Variants in KCNMB2 observed in about 807,000 individuals in gnomAD.
KCNMB2 encodes the protein calcium-activated potassium channel subunit beta-2.
In KCNMB2, 9 loss-of-function variants were observed where a neutral mutation model predicts 24.5. The observed-to-expected ratio is 0.37, with a 90% confidence interval of 0.22 to 0.64. KCNMB2 has a LOEUF of 0.64. Ranked by LOEUF, KCNMB2 falls within the 30% of genes least tolerant of loss-of-function variation. The probability of loss-of-function intolerance (pLI) is 0.63; values close to 1 mark genes in which losing one functional copy is unlikely to be tolerated. For missense variants in KCNMB2, 226 were observed against 284.3 expected (o/e 0.79, Z 1.47); for synonymous variants, 109 against 104.4 (o/e 1.04, Z -0.27).
At chr3:178,542,591 G>C (rs1715656065) in intron 1 of KCNMB2, among the ~76,000 whole-genome samples, 1 of 152,150 alleles carries the variant, frequency 6.6e-6, no homozygotes, top group Non-Finnish European at 1.5e-5. Flanking sequence ...TAGAATGTTA[G>C]ATTAACTGTC....
intron 1 of KCNMB2, among the ~76,000 whole-genome samples, chr3:178,584,269 G>T (rs1161278256): frequency 6.6e-6 from 1 of 152,224 alleles, no homozygotes; most frequent in Non-Finnish European, 1.5e-5. Context: ...ATGAGAAACT[G>T]GTCCAAGGTT....
At chr3:178,646,353 C>G (rs1014209313) in intron 1 of KCNMB2, among the ~76,000 whole-genome samples, 1 of 152,186 alleles carries the variant, frequency 6.6e-6, no homozygotes, top group Admixed American at 6.5e-5. Flanking sequence ...GAATCATCAG[C>G]ACATTAATTT....
chr3:178,805,782 A>G (rs1713942823), intron 1 of KCNMB2, among the ~76,000 whole-genome samples: 1 of 151,976 alleles, frequency 6.6e-6, no homozygotes, highest in South Asian at 2.1e-4. Context: ...GGCACACACT[A>G]CCACACGTGG....
intron 1 of KCNMB2, among the ~76,000 whole-genome samples, chr3:178,793,287 G>A (rs182883420): frequency 1.9e-3 from 296 of 152,306 alleles, no homozygotes; most frequent in Non-Finnish European, 3.5e-3. Flanking sequence ...TGATGATGAA[G>A]CAATGATATC....
intron 1 of KCNMB2, among the ~76,000 whole-genome samples, chr3:178,551,338 T>C (rs887517378): frequency 1.3e-5 from 2 of 152,164 alleles, no homozygotes; most frequent in African/African-American, 4.8e-5. Flanking sequence ...CCATCCCCAT[T>C]TAGGACAGAA....
chr3:178,577,477 A>G (rs1717037711), intron 1 of KCNMB2, among the ~76,000 whole-genome samples: 3 of 152,214 alleles, frequency 2.0e-5, no homozygotes, highest in Non-Finnish European at 1.5e-5. Context: ...AAAGGATCAC[A>G]ACTCCTCACC....
At chr3:178,627,729 A>G (rs1021822992) in intron 1 of KCNMB2, among the ~76,000 whole-genome samples, 1 of 152,138 alleles carries the variant, frequency 6.6e-6, no homozygotes, top group African/African-American at 2.4e-5. Flanking sequence ...TTTATGCGCC[A>G]TTTCAGCCTT....
At chr3:178,623,045 C>A (rs1718979166) in intron 1 of KCNMB2, among the ~76,000 whole-genome samples, 2 of 152,124 alleles carry the variant, frequency 1.3e-5, no homozygotes, top group Admixed American at 6.5e-5. Flanking sequence ...AAGTGAATAG[C>A]AAATAGATAT....
intron 1 of KCNMB2, among the ~76,000 whole-genome samples, chr3:178,577,088 G>A (rs1010600978): frequency 4.6e-5 from 7 of 152,102 alleles, no homozygotes; most frequent in Non-Finnish European, 7.4e-5. Flanking sequence ...CACAAATGAG[G>A]TGTCAACAGG....
intron 1 of KCNMB2, among the ~76,000 whole-genome samples, chr3:178,668,675 A>T (rs1720800603): frequency 6.6e-6 from 1 of 152,146 alleles, no homozygotes; most frequent in Admixed American, 6.5e-5. Flanking sequence ...ACTGAATCAC[A>T]ACTGCTACTT....
chr3:178,611,672 T>G (rs2108516784), intron 1 of KCNMB2, among the ~76,000 whole-genome samples: 1 of 152,286 alleles, frequency 6.6e-6, no homozygotes, highest in East Asian at 1.9e-4. Context: ...ACCACTGCAC[T>G]CCAGCCTGGG....
rs1009038965 is a variant in KCNMB2, at chr3:178,732,280, A to G, written c.-67-75063A>G. Among the ~76,000 whole-genome samples, 7 of 152,200 alleles carry G rather than the reference A, an allele frequency of 4.6e-5. 1 individual carries two copies. Among genetic ancestry groups the G allele is most frequent in the African/African-American group, 1.7e-4 (7 of 41,448 alleles). On this transcript the variant is annotated intron_variant, in intron 1 of 4. Coordinates refer to ENST00000452583, the MANE Select transcript of KCNMB2 (RefSeq NM_181361.3). ...TACTAATCTACAGTAGGTTTTTATT[A>G]TTTGCAGATTCCATATTTACAAATT...
At position 178,691,345 on chromosome 3, in the gene KCNMB2, C is replaced by A. The variant is rs73045982; in HGVS notation, c.-67-115998C>A. Among the ~76,000 whole-genome samples, 249 of 148,704 alleles carry A rather than the reference C, an allele frequency of 1.7e-3. 1 individual carries two copies. Among genetic ancestry groups the A allele is most frequent in the African/African-American group, 5.9e-3 (238 of 40,252 alleles). On this transcript the variant is annotated intron_variant, in intron 1 of 4. Coordinates refer to ENST00000452583, the MANE Select transcript of KCNMB2 (RefSeq NM_181361.3). ...CTTGTGTCATGGGCATTTCTTATTT[C>A]ATCACTGAGTTATTAAGCTTAGTAC...
At chr3:178,837,647 G>A (rs1423653773) in intron 4 of KCNMB2, among the ~76,000 whole-genome samples, 1 of 152,156 alleles carries the variant, frequency 6.6e-6, no homozygotes, top group East Asian at 1.9e-4. Context: ...ACTGGTATCT[G>A]TCTGTTGCTC....
chr3:178,595,559 T>A (rs1327192435), intron 1 of KCNMB2, among the ~76,000 whole-genome samples: 1 of 152,052 alleles, frequency 6.6e-6, no homozygotes, highest in Non-Finnish European at 1.5e-5. Context: ...CTTGTTCTCA[T>A]GGTAGTGAGT....
chr3:178,560,921 C>G (rs1022275236), intron 1 of KCNMB2, among the ~76,000 whole-genome samples: 1 of 152,190 alleles, frequency 6.6e-6, no homozygotes, highest in Non-Finnish European at 1.5e-5. Flanking sequence ...CCACCCTATA[C>G]CATCTCCTTA....
chr3:178,841,063 A>G (rs1715410338), intron 4 of KCNMB2, among the ~76,000 whole-genome samples: 1 of 152,208 alleles, frequency 6.6e-6, no homozygotes, highest in Non-Finnish European at 1.5e-5. Context: ...AAGCCAGGTC[A>G]CCTCTTGAAT....
At chr3:178,662,556 A>G (rs2108572277) in intron 1 of KCNMB2, among the ~76,000 whole-genome samples, 1 of 152,282 alleles carries the variant, frequency 6.6e-6, no homozygotes, top group South Asian at 2.1e-4. Flanking sequence ...TGTATCATCT[A>G]TTACATGGTG....
At chr3:178,821,714 T>A (rs6796611) in intron 2 of KCNMB2, among the ~76,000 whole-genome samples, 100,634 of 152,044 alleles carry the variant, frequency 0.66, 35,628 homozygotes, top group African/African-American at 0.92. Context: ...ATCTCACCTT[T>A]CCACTCTCCA....
Sources: allele counts gnomAD v4.1 joint callset (sites outside exome capture counted in the v4.1 genomes callset), GRCh38; gene constraint gnomAD v4.1.1; transcripts MANE v1.5; gene names NCBI Gene and HGNC (gene_info 2026-07-23, HGNC 2026-07-21).